TDRD5: variants seen among roughly 807,000 people sequenced by gnomAD.
TDRD5 encodes the protein tudor domain-containing protein 5.
In TDRD5, 41 loss-of-function variants were observed where a neutral mutation model predicts 120.6. The ratio of observed to expected loss-of-function variants is 0.34; its 90% CI spans 0.26 to 0.44. The LOEUF is 0.44. Among genes scored for constraint, TDRD5 ranks in the 20% least tolerant of loss-of-function variants. TDRD5 has a pLI of 1.00. For synonymous variants in TDRD5, 430 were observed against 433.7 expected, an observed-to-expected ratio of 0.99 and a Z score of 0.11; for missense variants, 1,006 against 1,221.2, an observed-to-expected ratio of 0.82 and a Z score of 2.63.
At chr1:179,660,038 A>C (rs1270442139) in intron 14 of TDRD5, among the ~76,000 whole-genome samples, 4 of 152,058 alleles carry the variant, frequency 2.6e-5, no homozygotes, top group Non-Finnish European at 5.9e-5. Flanking sequence ...TCTGAATTTT[A>C]ATTAGTATGG....
intron 15 of TDRD5, among the ~76,000 whole-genome samples, 186 bp from the exon 16 acceptor site, chr1:179,663,162 T>C (rs756323074): frequency 1.3e-5 from 2 of 152,186 alleles, no homozygotes; most frequent in African/African-American, 2.4e-5. Flanking sequence ...ATCCATGTGT[T>C]CAGAGTTCAA....
At chr1:179,618,772 T>C in intron 5 of TDRD5, 90 bp downstream of exon 5, 1 of 930,320 alleles carries the variant, frequency 1.1e-6, no homozygotes. Flanking sequence ...AGTATTAATT[T>C]ACATCTAATC....
intron 4 of TDRD5, among the ~76,000 whole-genome samples, chr1:179,617,550 G>A (rs1010684434): frequency 6.6e-6 from 1 of 151,976 alleles, no homozygotes; most frequent in African/African-American, 2.4e-5. Context: ...GAAGGAAAAA[G>A]TATTAATAGT....
chr1:179,650,096 G>C (rs181672028), intron 11 of TDRD5, among the ~76,000 whole-genome samples: 171 of 152,246 alleles, frequency 1.1e-3, no homozygotes, highest in Non-Finnish European at 1.7e-3. Flanking sequence ...CCCTGGCTTT[G>C]ATGTCTGTCT....
At position 179,592,020 on chromosome 1, in the gene TDRD5, TCAGGTTG is replaced by T. The variant is rs1461010417; in HGVS notation, c.-116_-110del. ...GGCGCCTCCTGCCTTCCTTTCCACC[TCAGGTTG>T]CAGAGAGCCGCCAGGGCAGGTGGAA... On this transcript the variant is annotated 5_prime_UTR_variant, in exon 1 of 18. Transcript: ENST00000444136. 1 of 152,340 alleles carries T rather than the reference TCAGGTTG, an allele frequency of 6.6e-6. No individual in the cohort carries two copies. Among genetic ancestry groups the T allele is most frequent in the East Asian group, 1.9e-4 (1 of 5,156 alleles). The allele number at this position is 152,340 out of a possible 1,614,324, so 9.4% of individuals were successfully genotyped here.
At chr1:179,603,510 G>A (rs573582918) in intron 4 of TDRD5, among the ~76,000 whole-genome samples, 2 of 152,282 alleles carry the variant, frequency 1.3e-5, no homozygotes, top group African/African-American at 4.8e-5. Context: ...TTGGCTGTGG[G>A]TTTGTCATAG....
chr1:179,655,545 G>A (rs1678958902), intron 14 of TDRD5, among the ~76,000 whole-genome samples: 1 of 150,010 alleles, frequency 6.7e-6, no homozygotes, highest in Non-Finnish European at 1.5e-5. Flanking sequence ...CACTGCAATT[G>A]GGATGCAGAA....
In TDRD5 at chr1:179,662,258, A is replaced by G; in HGVS notation, c.2477A>G (p.Tyr826Cys). ...GCAAGCCTTGGTGGAAAGAATCAGT[A>G]TTCATCATGTAAAGAAATGCCACAG... ...FTASLGGKNQ[Y>C]SSCKEMPQKD... Residue 826 changes from tyrosine to cysteine, a missense_variant, in exon 15 of 18, where the codon TAT (tyrosine) becomes TGT (cysteine). By Grantham distance (194) the Tyr-to-Cys change is radical (BLOSUM62 -2). Coordinates refer to ENST00000444136, the MANE Select transcript of TDRD5 (RefSeq NM_001199085.3). 6.2e-7 allele frequency: 1 copy of G among 1,608,002 alleles called. No individual in the cohort carries two copies. Among genetic ancestry groups the G allele is most frequent in the Non-Finnish European group, 8.5e-7 (1 of 1,178,296 alleles).
chr1:179,639,072 T>C (rs1290270501), intron 9 of TDRD5, among the ~76,000 whole-genome samples: 4 of 152,184 alleles, frequency 2.6e-5, no homozygotes, highest in Non-Finnish European at 5.9e-5. Context: ...TAGAGATAGA[T>C]TGAGAATTAA....
At chr1:179,617,288 A>C (rs1288053340) in intron 4 of TDRD5, among the ~76,000 whole-genome samples, 1 of 152,194 alleles carries the variant, frequency 6.6e-6, no homozygotes, top group Non-Finnish European at 1.5e-5. Context: ...AAGAGTAGTC[A>C]GTTCCAGAGG....
At chr1:179,627,589 C>A (rs562428891) in intron 6 of TDRD5, among the ~76,000 whole-genome samples, 40 of 152,222 alleles carry the variant, frequency 2.6e-4, no homozygotes, top group Non-Finnish European at 4.0e-4. Flanking sequence ...TTTGGAACAT[C>A]TTGTCGTACC....
chr1:179,593,830 G>T lies in TDRD5; in HGVS notation c.603G>T (p.Lys201Asn). The change falls in exon 3 of 18, where the codon AAG becomes AAT. Residue 201 changes from lysine (K) to asparagine (N), a missense_variant. Physicochemically the swap from Lys to Asn is moderately conservative, Grantham distance 94. Transcript: ENST00000444136. The stretch of plus-strand genomic sequence containing the variant: ...CAGGTTCTTTGTTGATGCTAAAGAA[G>T]AGTGTAACAGAGGAAAAGCCGAGAG... ...TRAGSLLMLK[K>N]SVTEEKPRGC... is the part of the protein sequence containing the mutation. 2 of 1,613,834 alleles carry T rather than the reference G, an allele frequency of 1.2e-6. No homozygotes were observed. Among genetic ancestry groups the T allele is most frequent in the Non-Finnish European group, 1.7e-6 (2 of 1,179,814 alleles).
intron 14 of TDRD5, 41 bp downstream of exon 14, chr1:179,654,403 TA>T: frequency 6.8e-7 from 1 of 1,469,504 alleles, no homozygotes; most frequent in South Asian, 1.4e-5. Context: ...GTAATTAATA[TA>T]ATACACTGAA....
At chr1:179,689,864 A>G (rs1043394324) in intron 17 of TDRD5, among the ~76,000 whole-genome samples, 1 of 152,208 alleles carries the variant, frequency 6.6e-6, no homozygotes, top group African/African-American at 2.4e-5. Context: ...GGCATGGGAT[A>G]TAAACCTCCT....
chr1:179,678,935 T>C (rs1239857917), intron 17 of TDRD5, among the ~76,000 whole-genome samples: 6 of 151,864 alleles, frequency 4.0e-5, no homozygotes. Flanking sequence ...CATCCTTGCA[T>C]TGTTGTTGAT....
At chr1:179,682,419 A>G (rs1026431199) in intron 17 of TDRD5, among the ~76,000 whole-genome samples, 1 of 151,858 alleles carries the variant, frequency 6.6e-6, no homozygotes, top group Non-Finnish European at 1.5e-5. Flanking sequence ...AACAGGCCCC[A>G]ATGTGTGATG....
At chr1:179,650,034 G>A (rs571230154) in intron 11 of TDRD5, among the ~76,000 whole-genome samples, 1 of 152,214 alleles carries the variant, frequency 6.6e-6, no homozygotes, top group South Asian at 2.1e-4. Context: ...TCTCCTTAGG[G>A]ACTCAGTTTA....
intron 17 of TDRD5, among the ~76,000 whole-genome samples, chr1:179,685,606 G>A (rs982178341): frequency 2.0e-5 from 3 of 152,098 alleles, no homozygotes; most frequent in Non-Finnish European, 2.9e-5. Flanking sequence ...GATGGGGATG[G>A]CATTGACTCT....
At chr1:179,642,774 A>T (rs577906122) in intron 11 of TDRD5, among the ~76,000 whole-genome samples, 1 of 152,264 alleles carries the variant, frequency 6.6e-6, no homozygotes, top group African/African-American at 2.4e-5. Flanking sequence ...TGAATCTCTC[A>T]CTTTATTTCT....
Sources: allele counts gnomAD v4.1 joint callset (sites outside exome capture counted in the v4.1 genomes callset), GRCh38; gene constraint gnomAD v4.1.1; transcripts MANE v1.5; gene names NCBI Gene and HGNC (gene_info 2026-07-23, HGNC 2026-07-21).